Variants in PDIA5 observed in about 807,000 individuals in gnomAD.
The protein encoded by PDIA5 is protein disulfide-isomerase A5.
A neutral mutation model predicts 77.6 loss-of-function variants in PDIA5; 58 were observed. The ratio of observed to expected loss-of-function variants is 0.75; its 90% confidence interval spans 0.61 to 0.93. The LOEUF (loss-of-function observed/expected upper bound fraction) is 0.93, where lower values mean the gene tolerates loss of function less well. Among genes scored for constraint, PDIA5 ranks in the 40% least tolerant of loss-of-function variants. PDIA5 has a pLI of 0.00. For missense variants in PDIA5, 630 were observed against 647.7 expected (o/e 0.97, Z 0.30); for synonymous variants, 250 against 252.1 (o/e 0.99, Z 0.08).
chr3:123,115,243 G>A (rs1160333246), intron 7 of PDIA5, among the ~76,000 whole-genome samples: 1 of 152,218 alleles, frequency 6.6e-6, no homozygotes, highest in Non-Finnish European at 1.5e-5. Context: ...TGGCACTTCA[G>A]AATCCCTGCT....
chr3:123,114,650 T>C (rs1226787482), intron 7 of PDIA5, among the ~76,000 whole-genome samples: 2 of 152,240 alleles, frequency 1.3e-5, no homozygotes, highest in African/African-American at 4.8e-5. Flanking sequence ...TTGTTCCTGC[T>C]TCTGTTCTCC....
chr3:123,078,002 G>C (rs545391034), intron 1 of PDIA5, among the ~76,000 whole-genome samples: 21 of 152,068 alleles, frequency 1.4e-4, no homozygotes, highest in African/African-American at 4.6e-4. Flanking sequence ...TAGATACGGG[G>C]TTTCACCATA....
intron 7 of PDIA5, among the ~76,000 whole-genome samples, chr3:123,114,004 G>T (rs931441875): frequency 6.6e-6 from 1 of 152,164 alleles, no homozygotes; most frequent in Admixed American, 6.5e-5. Context: ...AGTTAAATTG[G>T]AAACTGGCTT....
At chr3:123,100,612 G>A (rs369113884) in intron 3 of PDIA5, among the ~76,000 whole-genome samples, 33 of 152,318 alleles carry the variant, frequency 2.2e-4, no homozygotes, top group African/African-American at 7.7e-4. Context: ...CTAGTAGGGA[G>A]GAAACCCCTG....
chr3:123,109,596 T>G (rs1309289528), intron 6 of PDIA5, among the ~76,000 whole-genome samples: 1 of 152,208 alleles, frequency 6.6e-6, no homozygotes, highest in Non-Finnish European at 1.5e-5. Context: ...GTTTTGGATA[T>G]CCACAAAAAT....
At chr3:123,108,375 G>A (rs1934786023) in intron 6 of PDIA5, among the ~76,000 whole-genome samples, 1 of 150,466 alleles carries the variant, frequency 6.6e-6, no homozygotes, top group Non-Finnish European at 1.5e-5. Context: ...CTGCCTCTGG[G>A]GTTCAAGCGA....
At chr3:123,077,012 G>A (rs543089305) in intron 1 of PDIA5, among the ~76,000 whole-genome samples, 4 of 152,328 alleles carry the variant, frequency 2.6e-5, no homozygotes, top group Non-Finnish European at 4.4e-5. Flanking sequence ...ACTGTGCTGC[G>A]TAGCCCCAAA....
chr3:123,092,517 A>T, intron 3 of PDIA5, 75 bp downstream of exon 3: 3 of 1,035,738 alleles, frequency 2.9e-6, no homozygotes, highest in Non-Finnish European at 4.6e-6. Flanking sequence ...TGGGGACAGG[A>T]ACTGTCTCTT....
chr3:123,072,681 G>A (rs1933751943), intron 1 of PDIA5, among the ~76,000 whole-genome samples: 1 of 152,202 alleles, frequency 6.6e-6, no homozygotes, highest in South Asian at 2.1e-4. Context: ...TCTTCTGAAA[G>A]TAGATCCCCT....
At chr3:123,152,658 C>A (rs1021386601) in intron 14 of PDIA5, among the ~76,000 whole-genome samples, 4 of 152,202 alleles carry the variant, frequency 2.6e-5, no homozygotes. Flanking sequence ...AGCATACCCA[C>A]ACGTTCCTGC....
chr3:123,153,103 G>A (rs185191321), intron 14 of PDIA5, among the ~76,000 whole-genome samples: 50 of 152,014 alleles, frequency 3.3e-4, no homozygotes, highest in African/African-American at 9.4e-4. Flanking sequence ...TCTTTCTTTC[G>A]GATAATGAGA....
intron 1 of PDIA5, among the ~76,000 whole-genome samples, chr3:123,072,540 C>G (rs79795192): frequency 6.6e-6 from 1 of 152,146 alleles, no homozygotes; most frequent in African/African-American, 2.4e-5. Context: ...ATTCTCCCCA[C>G]GGGAGTTACT....
intron 11 of PDIA5, among the ~76,000 whole-genome samples, chr3:123,142,715 G>C (rs115744720): frequency 0.014 from 2,150 of 152,222 alleles, 39 homozygotes; most frequent in African/African-American, 0.042. Context: ...GGCAGCCTCT[G>C]GGGGGGCCGA....
intron 10 of PDIA5, among the ~76,000 whole-genome samples, chr3:123,129,269 T>C (rs1935315947): frequency 6.6e-6 from 1 of 152,228 alleles, no homozygotes; most frequent in African/African-American, 2.4e-5. Context: ...TTGTCACCAG[T>C]CCCATCTGAC....
chr3:123,073,303 G>A (rs984608506), intron 1 of PDIA5, among the ~76,000 whole-genome samples: 3 of 152,208 alleles, frequency 2.0e-5, no homozygotes, highest in African/African-American at 7.2e-5. Context: ...GGTGTCTGTG[G>A]CCTGGAAGAT....
chr3:123,123,615 G>A (rs1935169218), intron 8 of PDIA5, among the ~76,000 whole-genome samples: 1 of 152,242 alleles, frequency 6.6e-6, no homozygotes, highest in African/African-American at 2.4e-5. Flanking sequence ...TAAGGACGTT[G>A]TACAGAGCTG....
chr3:123,133,091 A>C (rs185522342), intron 11 of PDIA5, among the ~76,000 whole-genome samples: 3 of 152,312 alleles, frequency 2.0e-5, no homozygotes, highest in Non-Finnish European at 4.4e-5. Flanking sequence ...TGGAATGTAC[A>C]TGCTTTAGGG....
At chr3:123,106,884 CCTGGT>C in intron 6 of PDIA5, 43 bp downstream of exon 6, 2 of 1,381,790 alleles carry the variant, frequency 1.4e-6, no homozygotes, top group Non-Finnish European at 2.0e-6. Flanking sequence ...TGGAAGCTTC[CCTGGT>C]ACCAGGGCCT....
intron 2 of PDIA5, among the ~76,000 whole-genome samples, chr3:123,090,423 G>T (rs1353541940): frequency 6.6e-6 from 1 of 152,170 alleles, no homozygotes; most frequent in East Asian, 1.9e-4. Flanking sequence ...TCCTTCCCTA[G>T]GGTAGATCCC....
Sources: gnomAD v4.1 joint callset for allele counts (sites outside exome capture counted in the v4.1 genomes callset) on GRCh38, gnomAD v4.1.1 for gene constraint, MANE v1.5 for transcripts, NCBI Gene and HGNC (gene_info 2026-07-23, HGNC 2026-07-21) for gene names.